ZCCHC4: variants seen among roughly 807,000 people sequenced by gnomAD.
The protein encoded by ZCCHC4 is zinc finger CCHC-type containing 4, also known as rRNA N(6)-adenosine-methyltransferase ZCCHC4.
In ZCCHC4, 54 loss-of-function variants were observed where a neutral mutation model predicts 67.7. That is an observed-to-expected ratio of 0.80 (90% CI 0.64 to 1.00). The LOEUF (loss-of-function observed/expected upper bound fraction) is 1.00. Among genes scored for constraint, ZCCHC4 ranks in the 50% least tolerant of loss-of-function variants. The pLI, the probability that ZCCHC4 is intolerant of heterozygous loss-of-function variation, is 0.00. For missense variants in ZCCHC4, 609 were observed against 617.0 expected, an observed-to-expected ratio of 0.99 and a Z score of 0.14; for synonymous variants, 198 against 213.5, an observed-to-expected ratio of 0.93 and a Z score of 0.63.
intron 5 of ZCCHC4, among the ~76,000 whole-genome samples, chr4:25,340,524 A>G (rs549706466): frequency 6.6e-6 from 1 of 152,244 alleles, no homozygotes; most frequent in East Asian, 1.9e-4. Context: ...GTCAATTTCT[A>G]CAAAAAAAGC....
At chr4:25,315,252 A>T in intron 2 of ZCCHC4, 66 bp from the exon 3 acceptor site, 1 of 1,364,622 alleles carries the variant, frequency 7.3e-7, no homozygotes, top group Non-Finnish European at 1.0e-6. Context: ...TCAGAATGTG[A>T]TGCCAGTTCT....
intron 6 of ZCCHC4, among the ~76,000 whole-genome samples, chr4:25,347,312 A>T (rs1178134019): frequency 3.3e-5 from 5 of 152,360 alleles, no homozygotes; most frequent in Middle Eastern, 6.8e-3. Flanking sequence ...ATTTTTAAAG[A>T]GTAACAGGTA....
rs750183205 is a variant in ZCCHC4 at position 25,359,952 on chromosome 4, G to A, written c.1012-1907G>A. ...AGTGCTGGTGCTGGTAGACACCAGC[G>A]CAGATACATTCTGGGGTTGGATATT... On this transcript the variant is annotated intron_variant, in intron 8 of 12. Coordinates refer to ENST00000302874, the MANE Select transcript of ZCCHC4 (RefSeq NM_024936.3). The surrounding 1 kb of genome is among the most constrained non-coding windows in gnomAD (Gnocchi z 4.9). 2.0e-5 allele frequency among the ~76,000 whole-genome samples: 3 copies of A among 152,228 alleles called. No individual in the cohort carries two copies. Among genetic ancestry groups the A allele is most frequent in the Non-Finnish European group, 4.4e-5 (3 of 68,040 alleles).
chr4:25,368,446 C>T (rs1245341160), intron 12 of ZCCHC4, among the ~76,000 whole-genome samples: 2 of 152,244 alleles, frequency 1.3e-5, no homozygotes, highest in South Asian at 4.2e-4. Context: ...TGAGTTCCAG[C>T]TTGTTTATTT....
At position 25,345,589 on chromosome 4, in the gene ZCCHC4, A is replaced by T; in HGVS notation, c.728A>T (p.Asn243Ile). ...FYMEDSFCHY[N>I]MFNHHFFDGK... is the part of the protein sequence containing the mutation. ...ATGGAAGATAGCTTTTGCCATTATA[A>T]TATGTTTAACCATCATTTCTTTGAT... is the stretch of plus-strand genomic sequence containing the variant. The change falls in exon 6 of 13, where the codon AAT (asparagine) becomes ATT (isoleucine). Residue 243 changes from asparagine (N) to isoleucine (I), a missense_variant. Asn to Ile is a moderately radical substitution (Grantham distance 149). Coordinates refer to ENST00000302874, the MANE Select transcript of ZCCHC4 (RefSeq NM_024936.3). 1 of 1,569,182 alleles carries T rather than the reference A, an allele frequency of 6.4e-7. No individual in the cohort carries two copies. The highest frequency in any genetic ancestry group is 8.7e-7 in the Non-Finnish European group (1 of 1,143,482).
At chr4:25,341,301 T>C (rs957072727) in intron 5 of ZCCHC4, among the ~76,000 whole-genome samples, 2 of 152,196 alleles carry the variant, frequency 1.3e-5, no homozygotes, top group African/African-American at 4.8e-5. Context: ...TTTCCAGTGT[T>C]GGAGGTGGGC....
intron 8 of ZCCHC4, among the ~76,000 whole-genome samples, chr4:25,357,055 C>T (rs1394276177): frequency 6.6e-6 from 1 of 152,172 alleles, no homozygotes; most frequent in Non-Finnish European, 1.5e-5. Context: ...TTTAATAGCT[C>T]TAATCGTTAG....
chr4:25,334,553 A>G (rs1354644359), intron 5 of ZCCHC4, among the ~76,000 whole-genome samples: 1 of 152,200 alleles, frequency 6.6e-6, no homozygotes, highest in African/African-American at 2.4e-5. Context: ...TTCTGAGTTG[A>G]TGACACAGAG....
intron 3 of ZCCHC4, among the ~76,000 whole-genome samples, chr4:25,329,734 C>T (rs970824350): frequency 6.6e-6 from 1 of 151,954 alleles, no homozygotes; most frequent in Non-Finnish European, 1.5e-5. Context: ...AGGGTTTCAT[C>T]ATGTTGGCCA....
At chr4:25,312,972 C>A (rs781362936) in intron 1 of ZCCHC4, 36 bp downstream of exon 1, 1 of 1,605,864 alleles carries the variant, frequency 6.2e-7, no homozygotes, top group South Asian at 1.1e-5. Flanking sequence ...AACTGCCGGG[C>A]GCTGAGGGTG....
At chr4:25,340,779 A>C (rs1362686771) in intron 5 of ZCCHC4, among the ~76,000 whole-genome samples, 1 of 152,040 alleles carries the variant, frequency 6.6e-6, no homozygotes, top group Non-Finnish European at 1.5e-5. Context: ...TCTGAATTTT[A>C]TTTTGTGGTG....
intron 3 of ZCCHC4, among the ~76,000 whole-genome samples, 194 bp downstream of exon 3, chr4:25,315,594 C>A (rs1226983887): frequency 6.6e-6 from 1 of 152,070 alleles, no homozygotes; most frequent in Non-Finnish European, 1.5e-5. Flanking sequence ...TGTTGTGTAA[C>A]CATTGCCCCT....
In ZCCHC4 at chr4:25,328,245, C is replaced by CT. The variant is rs373152579; in HGVS notation, c.330-4928dup. Among the ~76,000 whole-genome samples the CT allele has an allele frequency of 9.0e-3, 1,349 of 150,232 alleles. 20 individuals carry two copies. The highest frequency in any genetic ancestry group is 0.028 in the African/African-American group (1,162 of 41,038). The stretch of plus-strand genomic sequence containing the variant: ...CTCTGTTCGTCTGTACAGAATCTAT[C>CT]TTTTTTTTTTCCAAGACGGAGTCTC... On this transcript the variant is annotated intron_variant, in intron 3 of 12. Transcript: ENST00000302874.
intron 12 of ZCCHC4, among the ~76,000 whole-genome samples, chr4:25,366,740 T>C (rs1332140343): frequency 1.3e-5 from 2 of 152,266 alleles, no homozygotes; most frequent in Admixed American, 1.3e-4. Flanking sequence ...GTCAGTAACG[T>C]GCTCAGCCTT....
intron 10 of ZCCHC4, 135 bp from the exon 11 acceptor site, chr4:25,364,319 G>A: frequency 1.7e-6 from 1 of 603,178 alleles, no homozygotes; most frequent in Non-Finnish European, 2.5e-6. Context: ...ATCTAATTGT[G>A]AAGCCCAGAA....
At chr4:25,362,491 G>A (rs1239044961) in intron 10 of ZCCHC4, among the ~76,000 whole-genome samples, 190 bp downstream of exon 10, 3 of 152,012 alleles carry the variant, frequency 2.0e-5, no homozygotes, top group African/African-American at 2.4e-5. Flanking sequence ...ATACTTAACT[G>A]CCTTCATTAT....
chr4:25,320,106 A>G (rs1277850082), intron 3 of ZCCHC4, among the ~76,000 whole-genome samples: 6 of 152,044 alleles, frequency 3.9e-5, no homozygotes, highest in Admixed American at 3.9e-4. Context: ...TCATTTTTCT[A>G]ATCTCACTCT....
intron 8 of ZCCHC4, among the ~76,000 whole-genome samples, chr4:25,353,741 T>G (rs1290094889): frequency 6.6e-6 from 1 of 152,196 alleles, no homozygotes; most frequent in Non-Finnish European, 1.5e-5. Flanking sequence ...GTTAAATGAA[T>G]GTGGCAATAT....
chr4:25,315,688 GT>G (rs1472415751), intron 3 of ZCCHC4, among the ~76,000 whole-genome samples: 1 of 148,322 alleles, frequency 6.7e-6, no homozygotes, highest in Admixed American at 6.7e-5. Context: ...CCAAACCCTA[GT>G]AACCTCTGAT....
Sources: gnomAD v4.1 joint callset for allele counts (sites outside exome capture counted in the v4.1 genomes callset) on GRCh38, gnomAD v4.1.1 for gene constraint, Gnocchi (gnomAD v3.1) non-coding constraint, MANE v1.5 for transcripts, NCBI Gene and HGNC (gene_info 2026-07-23, HGNC 2026-07-21) for gene names.